SETD5: variants seen among roughly 807,000 people sequenced by gnomAD.
The protein encoded by SETD5 is histone-lysine N-methyltransferase SETD5.
A neutral mutation model predicts 153.3 loss-of-function variants in SETD5; 44 were observed. The ratio of observed to expected loss-of-function variants is 0.29; its 90% CI spans 0.23 to 0.37. The LOEUF is 0.37. Ranked by LOEUF, SETD5 falls within the 10% of genes least tolerant of loss-of-function variation. SETD5 has a pLI of 1.00. For missense variants in SETD5, 1,544 were observed against 1,768.0 expected (o/e 0.87, Z 2.27); for synonymous variants, 716 against 645.2 (o/e 1.11, Z -1.66).
intron 7 of SETD5, chr3:9,436,912 C>A (rs778415750): frequency 2.6e-6 from 4 of 1,547,704 alleles, no homozygotes; most frequent in South Asian, 1.2e-5. Context: ...TTCGCTGATG[C>A]TGTGTTTTAC....
chr3:9,451,231 A>T (rs1016695855), intron 16 of SETD5, among the ~76,000 whole-genome samples: 10 of 152,198 alleles, frequency 6.6e-5, no homozygotes, highest in Non-Finnish European at 1.2e-4. Context: ...TAAATCTCCA[A>T]ACATAGCATT....
rs773071027 is a variant in SETD5, at chr3:9,464,519, C to G, written c.2571C>G (p.Pro857=). The G allele has an allele frequency of 6.2e-7, 1 of 1,613,980 alleles. No individual in the cohort carries two copies. The part of the protein sequence containing the change: ...LLRPLSPVTP[P]PPNSGSKSPQ... Reference sequence around the variant, plus strand: ...GGCCTCTGTCTCCAGTCACACCACCCCCTCCCAATTCAGGCTCAAAGAGTC... The same window carrying G: ...GGCCTCTGTCTCCAGTCACACCACCGCCTCCCAATTCAGGCTCAAAGAGTC... The change falls in exon 18 of 23, where the codon CCC becomes CCG. Residue 857 remains proline, a synonymous_variant. Coordinates refer to ENST00000402198, the MANE Select transcript of SETD5 (RefSeq NM_001080517.3).
chr3:9,430,200 A>G (rs1280204579), intron 3 of SETD5: 33 of 1,009,430 alleles, frequency 3.3e-5, no homozygotes, highest in Non-Finnish European at 3.8e-5. Flanking sequence ...TTAAAACAGA[A>G]TATTATTAAA....
chr3:9,446,953 T>G, intron 13 of SETD5, 97 bp from the exon 14 acceptor site: 1 of 840,670 alleles, frequency 1.2e-6, no homozygotes. Flanking sequence ...GGTAGTTAAA[T>G]GAATTTCTGT....
chr3:9,411,956 TAAAG>T (rs749069957), intron 1 of SETD5, among the ~76,000 whole-genome samples: 43 of 152,308 alleles, frequency 2.8e-4, no homozygotes, highest in Non-Finnish European at 3.8e-4. Context: ...AAAAATTTAA[TAAAG>T]AAAGTTTTAA....
chr3:9,475,183 G>C, intron 22 of SETD5, 27 bp downstream of exon 22: 1 of 1,554,852 alleles, frequency 6.4e-7, no homozygotes, highest in East Asian at 2.4e-5. Flanking sequence ...CTGGTCTCTA[G>C]CCATAGGAGT....
At chr3:9,456,127 A>T (rs2043207985) in intron 17 of SETD5, among the ~76,000 whole-genome samples, 1 of 152,184 alleles carries the variant, frequency 6.6e-6, no homozygotes, top group Non-Finnish European at 1.5e-5. Context: ...AAAAAATCAA[A>T]CAGACCTTTA....
At chr3:9,440,942 G>T (rs2041203673) in intron 8 of SETD5, among the ~76,000 whole-genome samples, 1 of 152,044 alleles carries the variant, frequency 6.6e-6, no homozygotes, top group South Asian at 2.1e-4. Context: ...CAGTGCAGTG[G>T]CTCACTCCTA....
Position 9,455,151 on chromosome 3 carries a change from CCTTTTTTT to C in SETD5, c.2476+1300_2476+1307del, listed in dbSNP as rs1290976457. ...ATTTTATTTCAGAAAACGTGAATTG[CCTTTTTTT>C]CTTTTTTTCTTTTTTTTTTTTTTTT... On this transcript the variant is annotated intron_variant, in intron 17 of 22. Coordinates refer to ENST00000402198, the MANE Select transcript of SETD5 (RefSeq NM_001080517.3). Among the ~76,000 whole-genome samples the C allele has an allele frequency of 1.0e-4, 15 of 144,538 alleles. 1 individual carries two copies. In the South Asian group the frequency reaches 1.1e-3, roughly 11 times the overall value. 94.8% of individuals were successfully genotyped at this position (144,538 alleles called of 152,430 possible). A position where few individuals can be genotyped will look rare whatever the true frequency, so the allele number is the denominator to read the frequency against.
intron 1 of SETD5, among the ~76,000 whole-genome samples, chr3:9,414,695 G>A (rs1372179057): frequency 6.6e-6 from 1 of 152,114 alleles, no homozygotes; most frequent in Non-Finnish European, 1.5e-5. Flanking sequence ...CTCATCAACA[G>A]ATGGAAAATT....
In SETD5 at chr3:9,445,097, A is replaced by G. The variant is rs748920704; in HGVS notation, c.1237A>G (p.Ile413Val). Residue 413 changes from isoleucine to valine, a missense_variant, in exon 12 of 23, where the codon ATA becomes GTA. This residue lies in a region of SETD5 where 46 missense variants were observed against 111.8 expected (regional missense o/e 0.41). Coordinates refer to ENST00000402198, the MANE Select transcript of SETD5 (RefSeq NM_001080517.3). ...TCACAAGGGAAACCGGAATTGTCCT[A>G]TACAAAAAAGGAATCCTAATGCTAC... The part of the protein sequence containing the change: ...ACHKGNRNCP[I>V]QKRNPNATEL... 1.9e-6 allele frequency: 3 copies of G among 1,613,996 alleles called. No individual in the cohort carries two copies. Among genetic ancestry groups the G allele is most frequent in the East Asian group, 2.2e-5 (1 of 44,882 alleles).
intron 20 of SETD5, among the ~76,000 whole-genome samples, chr3:9,473,974 A>G (rs1462969602): frequency 2.6e-5 from 4 of 152,234 alleles, no homozygotes; most frequent in Non-Finnish European, 4.4e-5. Context: ...GGAGACCACA[A>G]ATTTAAAAAT....
intron 7 of SETD5, among the ~76,000 whole-genome samples, chr3:9,437,095 C>A (rs2040660041): frequency 6.6e-6 from 1 of 152,152 alleles, no homozygotes; most frequent in Non-Finnish European, 1.5e-5. Context: ...CTGTAATCAG[C>A]CTTCATTGAT....
At position 9,475,854 on chromosome 3, in the gene SETD5, C is replaced by T; in HGVS notation, c.4092C>T (p.Ser1364=). 6.2e-7 allele frequency: 1 copy of T among 1,614,040 alleles called. No individual in the cohort carries two copies. Among genetic ancestry groups the T allele is most frequent in the Non-Finnish European group, 8.5e-7 (1 of 1,179,900 alleles). Residue 1364 remains serine (S), a synonymous_variant, in exon 23 of 23, where the codon TCC becomes TCT. Coordinates refer to ENST00000402198, the MANE Select transcript of SETD5 (RefSeq NM_001080517.3). The part of the protein sequence containing the change: ...DSPTSDSVSQ[S]STGTLSSTSF... Reference sequence around the variant, plus strand: ...CAACCTCAGATTCAGTTTCTCAGTCCAGCACAGGAACTCTGAGTTCCACCT... The same window carrying T: ...CAACCTCAGATTCAGTTTCTCAGTCTAGCACAGGAACTCTGAGTTCCACCT...
At position 9,475,588 on chromosome 3, in the gene SETD5, A is replaced by G; in HGVS notation, c.3826A>G (p.Thr1276Ala). The change falls in exon 23 of 23, where the codon ACT becomes GCT. Residue 1276 changes from threonine to alanine, a missense_variant. By Grantham distance (58) the Thr-to-Ala change is moderately conservative. Coordinates refer to ENST00000402198, the MANE Select transcript of SETD5 (RefSeq NM_001080517.3). ...PTQSPGYSYRTTALRPGNPPS... is the reference protein window; with the variant it reads ...PTQSPGYSYRATALRPGNPPS... ...ACAGTCTCCAGGATACAGTTATCGA[A>G]CTACTGCACTGAGACCTGGAAACCC... is the stretch of plus-strand genomic sequence containing the variant. 1 of 1,613,858 alleles carries G rather than the reference A, an allele frequency of 6.2e-7. No homozygotes were observed. Among genetic ancestry groups the G allele is most frequent in the South Asian group, 1.1e-5 (1 of 91,074 alleles).
At chr3:9,472,924 T>C (rs1411621844) in intron 19 of SETD5, among the ~76,000 whole-genome samples, 3 of 152,236 alleles carry the variant, frequency 2.0e-5, no homozygotes, top group African/African-American at 7.2e-5. Context: ...TACTGTGTAA[T>C]GGTAACCTCA....
chr3:9,420,125 A>T (rs1299779145), intron 1 of SETD5, among the ~76,000 whole-genome samples: 1 of 152,200 alleles, frequency 6.6e-6, no homozygotes, highest in Non-Finnish European at 1.5e-5. Flanking sequence ...GGTTACAAAG[A>T]GTCTGTGTAT....
At chr3:9,438,132 A>G (rs950687178) in intron 7 of SETD5, among the ~76,000 whole-genome samples, 6 of 152,228 alleles carry the variant, frequency 3.9e-5, no homozygotes, top group Non-Finnish European at 7.3e-5. Flanking sequence ...CTTAGTATCT[A>G]TCTTTAAACA....
At chr3:9,460,244 T>G (rs1235493762) in intron 17 of SETD5, among the ~76,000 whole-genome samples, 2 of 151,160 alleles carry the variant, frequency 1.3e-5, no homozygotes, top group Non-Finnish European at 3.0e-5. Context: ...AAGGGAGAGA[T>G]ACGTTTTATT....
Sources: gnomAD v4.1 joint callset for allele counts (sites outside exome capture counted in the v4.1 genomes callset) on GRCh38, gnomAD v4.1.1 for gene constraint, gnomAD v4.1.1 regional missense constraint, MANE v1.5 for transcripts, NCBI Gene and HGNC (gene_info 2026-07-23, HGNC 2026-07-21) for gene names.